Variants in RANBP2 observed in about 807,000 individuals in gnomAD.
RANBP2 encodes RAN binding protein 2.
RANBP2 carries 57 observed loss-of-function variants against 303.6 expected under a neutral mutation model. That is an observed-to-expected ratio of 0.19 (90% CI 0.15 to 0.23). RANBP2 has a LOEUF of 0.23. RANBP2 is among the 10% of genes least tolerant of loss of function. The pLI is 1.00. For missense variants in RANBP2, 3,138 were observed against 3,780.8 expected, an observed-to-expected ratio of 0.83 and a Z score of 4.46; for synonymous variants, 1,167 against 1,301.5, an observed-to-expected ratio of 0.90 and a Z score of 2.23.
the RANBP2 span, among the ~76,000 whole-genome samples, chr2:109,098,048 G>T: frequency 6.6e-6 from 1 of 152,122 alleles, no homozygotes; most frequent in South Asian, 2.1e-4. Context: ...GAGGGAGCAG[G>T]GCAGGTTCTG....
At chr2:108,972,519 C>T in the RANBP2 span, among the ~76,000 whole-genome samples, 6 of 152,194 alleles carry the variant, frequency 3.9e-5, no homozygotes, top group East Asian at 3.9e-4. Context: ...CAGGCTGCAA[C>T]GGGCCGAGGC....
chr2:109,550,923 T>C, the RANBP2 span, among the ~76,000 whole-genome samples: 1 of 152,176 alleles, frequency 6.6e-6, no homozygotes, highest in Non-Finnish European at 1.5e-5. Flanking sequence ...AAATGTTAAA[T>C]GAAAAAATTA....
chr2:109,533,012 C>T, the RANBP2 span, among the ~76,000 whole-genome samples: 1 of 152,056 alleles, frequency 6.6e-6, no homozygotes, highest in African/African-American at 2.4e-5. Context: ...AGGTCCTGCC[C>T]TCTTGGGGCT....
At chr2:109,674,981 T>TA in the RANBP2 span, among the ~76,000 whole-genome samples, 1 of 152,134 alleles carries the variant, frequency 6.6e-6, no homozygotes, top group African/African-American at 2.4e-5. Context: ...CTACTTTTTT[T>TA]CTTTTAGAGA....
the RANBP2 span, among the ~76,000 whole-genome samples, chr2:109,493,319 A>T: frequency 2.2e-4 from 33 of 148,184 alleles, no homozygotes; most frequent in South Asian, 6.7e-3. Context: ...AAATATACGT[A>T]CACCATACAA....
chr2:108,845,601 T>A, the RANBP2 span, among the ~76,000 whole-genome samples: 2 of 147,222 alleles, frequency 1.4e-5, no homozygotes, highest in Non-Finnish European at 3.0e-5. Flanking sequence ...AGATGGAGTC[T>A]CGCTCTGTCA....
the RANBP2 span, among the ~76,000 whole-genome samples, chr2:109,247,710 T>G: frequency 1.3e-5 from 2 of 152,240 alleles, no homozygotes; most frequent in Non-Finnish European, 2.9e-5. Context: ...CTATATGTTT[T>G]TCCCTGTATC....
At chr2:108,815,636 T>C in the RANBP2 span, among the ~76,000 whole-genome samples, 4 of 151,882 alleles carry the variant, frequency 2.6e-5, no homozygotes, top group African/African-American at 9.7e-5. Flanking sequence ...CAGCTAATTT[T>C]ATTTTTAGTA....
chr2:109,642,572 AC>A, the RANBP2 span, among the ~76,000 whole-genome samples: 2 of 151,210 alleles, frequency 1.3e-5, no homozygotes, highest in African/African-American at 4.9e-5. Flanking sequence ...ACACGGTGAA[AC>A]CCCGTCTCTA....
the RANBP2 span, among the ~76,000 whole-genome samples, chr2:109,093,334 A>G: frequency 6.6e-6 from 1 of 150,956 alleles, no homozygotes. Context: ...CACCCCCACA[A>G]CCAAGAAATA....
chr2:109,039,467 C>T, the RANBP2 span, among the ~76,000 whole-genome samples: 7 of 152,342 alleles, frequency 4.6e-5, no homozygotes, highest in Middle Eastern at 3.4e-3. Context: ...TCTCCTGGCT[C>T]GGCCTCCCGA....
At chr2:109,724,071 T>C in the RANBP2 span, among the ~76,000 whole-genome samples, 1 of 152,206 alleles carries the variant, frequency 6.6e-6, no homozygotes, top group Non-Finnish European at 1.5e-5. Flanking sequence ...AAAGATCAGA[T>C]GGTTGTAGGT....
At chr2:109,169,897 CATGG>C in the RANBP2 span, among the ~76,000 whole-genome samples, 1 of 152,120 alleles carries the variant, frequency 6.6e-6, no homozygotes, top group Non-Finnish European at 1.5e-5. Flanking sequence ...ACCTGGCATG[CATGG>C]CAGGTGCTTT....
the RANBP2 span, chr2:108,812,949 A>G: frequency 9.3e-6 from 15 of 1,609,268 alleles, no homozygotes; most frequent in African/African-American, 6.7e-5. Context: ...TTATGATTTG[A>G]TATGATTGAA....
the RANBP2 span, among the ~76,000 whole-genome samples, chr2:109,171,592 C>T: frequency 1.5e-4 from 23 of 152,362 alleles, no homozygotes; most frequent in African/African-American, 5.3e-4. Context: ...ATTTCCTTCT[C>T]GCCGCCCCTG....
At chr2:109,490,165 G>A in the RANBP2 span, among the ~76,000 whole-genome samples, 159 of 152,314 alleles carry the variant, frequency 1.0e-3, no homozygotes, top group African/African-American at 3.8e-3. Context: ...CAACTGAGAT[G>A]CCATCTGCTG....
At chr2:109,543,592 T>C in the RANBP2 span, 6 of 152,174 alleles carry the variant, frequency 3.9e-5, no homozygotes, top group East Asian at 1.9e-4. Context: ...ATTTTTAGCA[T>C]ATATAAAAAA....
Position 108,765,063 on chromosome 2 carries a change from G to A in RANBP2, c.4524G>A (p.Gln1508=), listed in dbSNP as rs770857000. The A allele has an allele frequency of 1.7e-5, 28 of 1,613,690 alleles. No homozygotes were observed. The Middle Eastern group carries it at 5.0e-4, about 29-fold the overall frequency. ...CTGCTTGTCAGAATCCGAGAAAACAGAGTCTACCTGCTACTTCTATTCCAA... is the reference window on the plus strand; with the variant it reads ...CTGCTTGTCAGAATCCGAGAAAACAAAGTCTACCTGCTACTTCTATTCCAA... ...KCAACQNPRK[Q]SLPATSIPTP... The change falls in exon 20 of 29, where the codon CAG becomes CAA. Residue 1508 remains glutamine, a synonymous_variant. Transcript: ENST00000283195.
Position 108,775,887 on chromosome 2 carries a change from T to G in RANBP2, c.8448T>G (p.Pro2816=). The change falls in exon 24 of 29, where the codon CCT becomes CCG. Residue 2816 remains proline (P), a synonymous_variant. Transcript: ENST00000283195. ...TTTCCTCTGAAACTATGGACAAACC[T>G]GTAGATTTGTCAACTAGAAAGGAAA... is the stretch of plus-strand genomic sequence containing the variant. ...PSVSSETMDK[P]VDLSTRKEID... The G allele has an allele frequency of 1.2e-6, 2 of 1,612,918 alleles. No individual in the cohort carries two copies. Among genetic ancestry groups the G allele is most frequent in the South Asian group, 2.2e-5 (2 of 91,074 alleles).
Sources: gnomAD v4.1 joint callset for allele counts (sites outside exome capture counted in the v4.1 genomes callset) on GRCh38, gnomAD v4.1.1 for gene constraint, MANE v1.5 for transcripts, NCBI Gene and HGNC (gene_info 2026-07-23, HGNC 2026-07-21) for gene names.